MYH11: variants seen among roughly 807,000 people sequenced by gnomAD.
MYH11 encodes the protein myosin heavy chain 11.
MYH11 carries 80 observed loss-of-function variants against 246.6 expected under a neutral mutation model. The ratio of observed to expected loss-of-function variants is 0.32; its 90% CI spans 0.27 to 0.39. MYH11 has a LOEUF of 0.39. Among genes scored for constraint, MYH11 ranks in the 10% least tolerant of loss-of-function variants. The pLI is 1.00. For missense variants in MYH11, 2,158 were observed against 2,546.8 expected, an observed-to-expected ratio of 0.85 and a Z score of 3.29; for synonymous variants, 1,071 against 1,015.5, an observed-to-expected ratio of 1.05 and a Z score of -1.04.
chr16:15,721,163 A>C (rs2040453673), intron 32 of MYH11, 112 bp from the exon 33 acceptor site: 1 of 1,211,782 alleles, frequency 8.3e-7, no homozygotes, highest in Non-Finnish European at 1.2e-6. Context: ...TTGGCCTCCC[A>C]CAGGATGCAT....
At position 15,717,257 on chromosome 16, in the gene MYH11, T is replaced by G; in HGVS notation, c.5387A>C (p.Glu1796Ala). 1 of 1,614,138 alleles carries G rather than the reference T, an allele frequency of 6.2e-7. No homozygotes were observed. The highest frequency in any genetic ancestry group is 2.2e-5 in the East Asian group (1 of 44,882). Reference protein sequence around the residue: ...ARQQLERQNKELRSKLHEMEG... With the variant: ...ARQQLERQNKALRSKLHEMEG... ...CATCTCGTGGAGCTTGCTCCGGAGC[T>G]CCTTGTTCTGCCGCTCGAGCTGCTG... The change falls in exon 38 of 41, where the codon GAG becomes GCG. Residue 1796 changes from glutamate (E) to alanine (A), a missense_variant. By Grantham distance (107) the Glu-to-Ala change is moderately radical. Coordinates refer to ENST00000300036, the MANE Select transcript of MYH11 (RefSeq NM_002474.3).
At chr16:15,714,830 C>T in intron 40 of MYH11, 79 bp downstream of exon 40, 5 of 1,563,098 alleles carry the variant, frequency 3.2e-6, no homozygotes, top group East Asian at 2.2e-5. Flanking sequence ...GGGGCATTTG[C>T]AGGCCGAAAG....
intron 1 of MYH11, among the ~76,000 whole-genome samples, chr16:15,851,470 C>T (rs371307808): frequency 5.3e-5 from 8 of 152,116 alleles, no homozygotes; most frequent in African/African-American, 1.9e-4. Context: ...GCAAGACCCC[C>T]ACTTGTAAAA....
intron 28 of MYH11, chr16:15,725,246 C>G: frequency 1.7e-6 from 1 of 596,052 alleles, no homozygotes. Flanking sequence ...GTTCTAAGAA[C>G]TTATTTGAGC....
chr16:15,771,435 C>CTT lies in MYH11; in HGVS notation c.1033+132_1033+133dup, dbSNP rs200813930. 7.3e-3 allele frequency: 5,118 copies of CTT among 703,066 alleles called. 168 individuals carry two copies. In the African/African-American group the frequency reaches 0.074, roughly 10 times the overall value. 43.6% of individuals were successfully genotyped at this position (703,066 alleles called of 1,614,324 possible). ...ACCTAGAATAAAATTCATTTTCCTC[C>CTT]TTTTTTTTTTTTTTTTTTAATGGAA... On this transcript the variant is annotated intron_variant, in intron 9 of 40. Coordinates refer to ENST00000300036, the MANE Select transcript of MYH11 (RefSeq NM_002474.3).
Position 15,703,768 on chromosome 16 carries a change from T to C in MYH11, c.*223A>G. ...CACGCCCAGCTTATTTTTAAATTCT[T>C]GTATAGATGAGGTTTTACTACGTTG... On this transcript the variant is annotated 3_prime_UTR_variant, in exon 41 of 41. Coordinates refer to ENST00000300036, the MANE Select transcript of MYH11 (RefSeq NM_002474.3). The C allele has an allele frequency of 1.7e-6, 1 of 604,492 alleles. No homozygotes were observed. Among genetic ancestry groups the C allele is most frequent in the East Asian group, 3.2e-5 (1 of 31,676 alleles). 37.4% of individuals were successfully genotyped at this position (604,492 alleles called of 1,614,324 possible).
In MYH11 at chr16:15,841,503, G is replaced by A. The variant is rs566409836; in HGVS notation, c.-17-3234C>T. ...GGAAATGTGAAAATCTTGATTCTGC[G>A]TTTTCTATACAAATTGTTCCTTAGG... On this transcript the variant is annotated intron_variant, in intron 1 of 40. Coordinates refer to ENST00000300036, the MANE Select transcript of MYH11 (RefSeq NM_002474.3). Among the ~76,000 whole-genome samples, 263 of 152,236 alleles carry A rather than the reference G, an allele frequency of 1.7e-3. 1 individual carries two copies. Among genetic ancestry groups the A allele is most frequent in the Middle Eastern group, 6.8e-3 (2 of 294 alleles).
chr16:15,798,914 C>G (rs544044987), intron 3 of MYH11, among the ~76,000 whole-genome samples: 1 of 152,290 alleles, frequency 6.6e-6, no homozygotes, highest in South Asian at 2.1e-4. Flanking sequence ...GATGCTGGAG[C>G]CTGACTGATC....
chr16:15,788,779 G>C (rs1483271651), intron 4 of MYH11, among the ~76,000 whole-genome samples: 3 of 150,972 alleles, frequency 2.0e-5, no homozygotes, highest in Admixed American at 1.3e-4. Context: ...CCCAGAAGGG[G>C]AAACTAAGAC....
At chr16:15,841,901 T>C (rs939133254) in intron 1 of MYH11, among the ~76,000 whole-genome samples, 2 of 152,144 alleles carry the variant, frequency 1.3e-5, no homozygotes, top group Non-Finnish European at 2.9e-5. Context: ...ATCCCCACGC[T>C]TGGGCCCCAA....
At chr16:15,735,197 GA>G (rs938309873) in intron 26 of MYH11, among the ~76,000 whole-genome samples, 168 bp downstream of exon 26, 3 of 149,108 alleles carry the variant, frequency 2.0e-5, no homozygotes, top group African/African-American at 7.4e-5. Context: ...AAAAAAGAAA[GA>G]AAAAAAAGAA....
intron 3 of MYH11, among the ~76,000 whole-genome samples, chr16:15,800,918 T>C (rs1371624880): frequency 1.3e-5 from 2 of 152,036 alleles, no homozygotes; most frequent in East Asian, 3.9e-4. Context: ...CATTTAAAAA[T>C]AGGCAGGCCG....
intron 4 of MYH11, among the ~76,000 whole-genome samples, chr16:15,793,983 A>G (rs1243657533): frequency 4.8e-5 from 6 of 126,308 alleles, no homozygotes; most frequent in South Asian, 2.4e-4. Context: ...TCGCTCTGTC[A>G]CCCAGGCTGG....
intron 3 of MYH11, among the ~76,000 whole-genome samples, chr16:15,800,642 TGGGA>T (rs1240370005): frequency 1.4e-5 from 2 of 146,988 alleles, no homozygotes; most frequent in African/African-American, 5.0e-5. Flanking sequence ...GATGGATGGA[TGGGA>T]ATATGAATGG....
At chr16:15,827,557 C>T (rs1205621756) in intron 2 of MYH11, among the ~76,000 whole-genome samples, 1 of 152,184 alleles carries the variant, frequency 6.6e-6, no homozygotes, top group Non-Finnish European at 1.5e-5. Context: ...CTGGACACCC[C>T]TCTTCCCCAT....
At position 15,719,733 on chromosome 16, in the gene MYH11, G is replaced by A. The variant is rs1326940710; in HGVS notation, c.4954-20C>T. On this transcript the variant is annotated intron_variant, in intron 34 of 40. Transcript: ENST00000300036. ...CTGAGCCTGCATGAGTCAACAGGGA[G>A]GACAAGCTCAGATGTCCTTACTCCC... is the stretch of plus-strand genomic sequence containing the variant. 1 of 1,613,902 alleles carries A rather than the reference G, an allele frequency of 6.2e-7. No homozygotes were observed. The highest frequency in any genetic ancestry group is 1.3e-5 in the African/African-American group (1 of 74,942).
intron 2 of MYH11, among the ~76,000 whole-genome samples, chr16:15,837,460 C>T (rs1329758291): frequency 1.3e-5 from 2 of 151,914 alleles, no homozygotes; most frequent in Non-Finnish European, 2.9e-5. Flanking sequence ...TCTTCAAGGG[C>T]TGAGATGTGA....
intron 27 of MYH11, among the ~76,000 whole-genome samples, chr16:15,729,444 G>T (rs1425500333): frequency 6.6e-6 from 1 of 152,142 alleles, no homozygotes; most frequent in South Asian, 2.1e-4. Context: ...TCCCAAAGAG[G>T]CCTGGCTGGG....
At chr16:15,856,220 T>A (rs200362322) in intron 1 of MYH11, among the ~76,000 whole-genome samples, 1 of 83,182 alleles carries the variant, frequency 1.2e-5, no homozygotes, top group Non-Finnish European at 2.7e-5. Flanking sequence ...GGGTGAGTTG[T>A]TTTTTTTTTT....
Sources: allele counts gnomAD v4.1 joint callset (sites outside exome capture counted in the v4.1 genomes callset), GRCh38; gene constraint gnomAD v4.1.1; transcripts MANE v1.5; gene names NCBI Gene and HGNC (gene_info 2026-07-23, HGNC 2026-07-21).